The following ACAP1 variants were observed in gnomAD, a reference collection of about 807,000 sequenced individuals.
ACAP1 encodes ArfGAP with coiled-coil, ankyrin repeat and PH domains 1, also known as arf-GAP with coiled-coil, ANK repeat and PH domain-containing protein 1.
Under a neutral mutation model 98.8 loss-of-function variants are expected in ACAP1, and 45 were observed. The ratio of observed to expected loss-of-function variants is 0.46; its 90% CI spans 0.36 to 0.58. The LOEUF is 0.58. ACAP1 is among the 20% of genes least tolerant of loss of function. The pLI, the probability that ACAP1 is intolerant of heterozygous loss-of-function variation, is 0.00. For synonymous variants in ACAP1, 362 were observed against 375.3 expected (o/e 0.96, Z 0.41); for missense variants, 735 against 971.4 (o/e 0.76, Z 3.24).
Position 7,343,423 on chromosome 17 carries a change from G to A in ACAP1, c.389G>A (p.Gly130Glu). The change falls in exon 6 of 22, where the codon GGG (glycine) becomes GAG (glutamate). Residue 130 changes from glycine (G) to glutamate (E), a missense_variant. Physicochemically the swap from Gly to Glu is moderately conservative, Grantham distance 98. Transcript: ENST00000158762. This position sits in a 1 kb window ranked among gnomAD's most constrained non-coding sequence, Gnocchi z 4.9. Reference sequence around the variant, plus strand: ...GAGGCTCGCCGGGATTTCTGGCGGGGGGCTGAGAGCCTGGAGGCTGCCCTG... The same window carrying A: ...GAGGCTCGCCGGGATTTCTGGCGGGAGGCTGAGAGCCTGGAGGCTGCCCTG... ...FREARRDFWRGAESLEAALTH... is the reference protein window; with the variant it reads ...FREARRDFWREAESLEAALTH... 3 of 1,613,892 alleles carry A rather than the reference G, an allele frequency of 1.9e-6. No homozygotes were observed. The highest frequency in any genetic ancestry group is 2.5e-6 in the Non-Finnish European group (3 of 1,179,964).
rs924339860 is a variant in ACAP1 at position 7,344,800 on chromosome 17, A to G, written c.854+152A>G. 3 of 624,226 alleles carry G rather than the reference A, an allele frequency of 4.8e-6. No homozygotes were observed. The highest frequency in any genetic ancestry group is 2.8e-5 in the Admixed American group (1 of 36,184). 38.7% of individuals were successfully genotyped at this position (624,226 alleles called of 1,614,324 possible). A position where few individuals can be genotyped will look rare whatever the true frequency, so the allele number is the denominator to read the frequency against. On this transcript the variant is annotated intron_variant, in intron 10 of 21. Transcript: ENST00000158762. The surrounding 1 kb of genome is among the most constrained non-coding windows in gnomAD (Gnocchi z 4.9). ...AGCAAAGACAGAGGATAAACCTAGT[A>G]TGTAAATTACGTGCTATGTTAGAAG...
In ACAP1 at chr17:7,343,561, A is replaced by G; in HGVS notation, c.527A>G (p.Gln176Arg). ...YRGRALDYAL[Q>R]INVIEDKRKF... is the part of the protein sequence containing the mutation. The stretch of plus-strand genomic sequence containing the variant: ...GGACGGGCACTGGATTATGCCCTGC[A>G]GGTGCCTGCCCCAATCTGTCTTCCT... The change falls in exon 6 of 22, where the codon CAG (glutamine) becomes CGG (arginine). Residue 176 changes from glutamine to arginine, a missense_variant and splice_region_variant. Gln to Arg is a conservative substitution (Grantham distance 43). Coordinates refer to ENST00000158762, the MANE Select transcript of ACAP1 (RefSeq NM_014716.4). This position sits in a 1 kb window ranked among gnomAD's most constrained non-coding sequence, Gnocchi z 4.9. The G allele has an allele frequency of 6.2e-7, 1 of 1,610,670 alleles. No individual in the cohort carries two copies. Among genetic ancestry groups the G allele is most frequent in the Non-Finnish European group, 8.5e-7 (1 of 1,177,668 alleles).
At chr17:7,348,969 CT>C in intron 17 of ACAP1, 25 bp from the exon 18 acceptor site, 1 of 1,608,218 alleles carries the variant, frequency 6.2e-7, no homozygotes, top group Non-Finnish European at 8.5e-7. Context: ...CTGCTTCCCC[CT>C]AACAGAACCA....
rs138842755 is a variant in ACAP1 at position 7,343,458 on chromosome 17, G to A, written c.424G>A (p.Ala142Thr). Residue 142 changes from alanine to threonine, a missense_variant, in exon 6 of 22, where the codon GCA (alanine) becomes ACA (threonine). By Grantham distance (58) the Ala-to-Thr change is moderately conservative. Coordinates refer to ENST00000158762, the MANE Select transcript of ACAP1 (RefSeq NM_014716.4). This position sits in a 1 kb window ranked among gnomAD's most constrained non-coding sequence, Gnocchi z 4.9. ...ESLEAALTHNAEVPRRRAQEA... is the reference protein window; with the variant it reads ...ESLEAALTHNTEVPRRRAQEA... The stretch of plus-strand genomic sequence containing the variant: ...CCTGGAGGCTGCCCTGACCCACAAC[G>A]CAGAGGTTCCCAGGCGCCGGGCCCA... 105 of 1,613,994 alleles carry A rather than the reference G, an allele frequency of 6.5e-5. No individual in the cohort carries two copies. The highest frequency in any genetic ancestry group is 6.8e-5 in the Non-Finnish European group (80 of 1,180,022).
rs77871125 is a variant in ACAP1, at chr17:7,337,475, T to G, written c.111+106T>G. The G allele has an allele frequency of 3.8e-4, 395 of 1,027,868 alleles. 1 individual carries two copies. The African/African-American group carries it at 5.5e-3, about 14-fold the overall frequency. 63.7% of individuals were successfully genotyped at this position (1,027,868 alleles called of 1,614,324 possible). ...ATGCATCCCAGGGATTATTGAATACTGTGTAGGGGAGATATTTTGGAGACT... is the reference window on the plus strand; with the variant it reads ...ATGCATCCCAGGGATTATTGAATACGGTGTAGGGGAGATATTTTGGAGACT... On this transcript the variant is annotated intron_variant, in intron 2 of 21. Coordinates refer to ENST00000158762, the MANE Select transcript of ACAP1 (RefSeq NM_014716.4).
Position 7,336,941 on chromosome 17 carries a change from G to C in ACAP1, c.53+154G>C, listed in dbSNP as rs950936287. On this transcript the variant is annotated intron_variant, in intron 1 of 21. Coordinates refer to ENST00000158762, the MANE Select transcript of ACAP1 (RefSeq NM_014716.4). ...CCAAAGTGGTACCCCAGCTGTGAAA[G>C]CAGGGTACTCCAATGCTCTCTGCCC... Among the ~76,000 whole-genome samples the C allele has an allele frequency of 2.6e-5, 4 of 152,260 alleles. No homozygotes were observed. In the East Asian group the frequency reaches 7.7e-4, roughly 29 times the overall value.
At chr17:7,345,011 G>C (rs1366736111) in intron 10 of ACAP1, among the ~76,000 whole-genome samples, 1 of 152,208 alleles carries the variant, frequency 6.6e-6, no homozygotes, top group Non-Finnish European at 1.5e-5. Flanking sequence ...AAGGCCCTGA[G>C]ATAGCTGGGG....
rs1245220689 is a variant in ACAP1, at chr17:7,342,280, T to C, written c.237T>C (p.Cys79=). 3 of 1,614,014 alleles carry C rather than the reference T, an allele frequency of 1.9e-6. No individual in the cohort carries two copies. In the East Asian group the frequency reaches 6.7e-5, roughly 36 times the overall value. Residue 79 remains cysteine (C), a synonymous_variant, in exon 4 of 22, where the codon TGT becomes TGC. Transcript: ENST00000158762. ...LGPPEPMMAE[C]LEKFTVSLNH... ...CTGTGCCTCTTCTTGCCTAGGAGTG[T>C]CTGGAAAAATTCACCGTGAGCCTGA...
intron 17 of ACAP1, chr17:7,348,781 A>C: frequency 1.7e-6 from 1 of 590,516 alleles, no homozygotes; most frequent in East Asian, 2.9e-5. Flanking sequence ...AGATGAGGTG[A>C]TGATGCCGTC....
chr17:7,347,153 C>G lies in ACAP1; in HGVS notation c.1254C>G (p.Ala418=). 6.2e-7 allele frequency: 1 copy of G among 1,614,092 alleles called. No individual in the cohort carries two copies. The highest frequency in any genetic ancestry group is 2.2e-5 in the East Asian group (1 of 44,884). Residue 418 remains alanine (A), a synonymous_variant, in exon 14 of 22, where the codon GCC becomes GCG. Transcript: ENST00000158762. ...VAQVQSVDGN[A]QCCDCREPAP... is the part of the protein sequence containing the mutation. Reference sequence around the variant, plus strand: ...AGGTCCAGAGTGTGGATGGCAATGCCCAGTGCTGCGACTGCCGGGAGCCAG... The same window carrying G: ...AGGTCCAGAGTGTGGATGGCAATGCGCAGTGCTGCGACTGCCGGGAGCCAG...
chr17:7,349,913 C>T lies in ACAP1; in HGVS notation c.1852-32C>T, dbSNP rs148196938. On this transcript the variant is annotated intron_variant, in intron 18 of 21. Transcript: ENST00000158762. ...TGAAATCCACCACTAGGGATGCCAC[C>T]CTCAACCCCCCTTCTCGACTTCTCC... is the stretch of plus-strand genomic sequence containing the variant. 1,417 of 1,542,470 alleles carry T rather than the reference C, an allele frequency of 9.2e-4. 7 individuals are homozygous for T. In the African/African-American group the frequency reaches 0.015, roughly 16 times the overall value.
Position 7,350,032 on chromosome 17 carries a change from G to A in ACAP1, c.1939G>A (p.Ala647Thr). The A allele has an allele frequency of 6.2e-7, 1 of 1,613,358 alleles. No individual in the cohort carries two copies. The highest frequency in any genetic ancestry group is 8.5e-7 in the Non-Finnish European group (1 of 1,179,408). The change falls in exon 19 of 22, where the codon GCA becomes ACA. Residue 647 changes from alanine (A) to threonine (T), a missense_variant. Around this residue, in one of 5 missense-constraint regions of ACAP1, gnomAD observed 142 missense variants for 224.1 expected, o/e 0.63. Transcript: ENST00000158762. The surrounding 1 kb of genome is among the most constrained non-coding windows in gnomAD (Gnocchi z 4.6). ...TGCGGGCCGGGGCCCGCTGCACCAC[G>A]CAACCATTCTTGGCCACACGGGGTA... ...DSAGRGPLHHATILGHTGLAC... is the reference protein window; with the variant it reads ...DSAGRGPLHHTTILGHTGLAC...
chr17:7,345,407 T>A (rs1164049638), intron 10 of ACAP1: 2 of 151,908 alleles, frequency 1.3e-5, no homozygotes, highest in Non-Finnish European at 2.9e-5. Context: ...CACTGCAACC[T>A]CTATCCCCTG....
rs1263913830 is a variant in ACAP1, at chr17:7,344,552, A to T, written c.758A>T (p.Glu253Val). The T allele has an allele frequency of 6.4e-7, 1 of 1,550,672 alleles. No homozygotes were observed. Among genetic ancestry groups the T allele is most frequent in the Non-Finnish European group, 8.7e-7 (1 of 1,146,830 alleles). ...TTGTGCCTCCAGGAGCTGGGTGGGGAGGAGCCAGAACCAAGCTTAAGAGAG... is the reference window on the plus strand; with the variant it reads ...TTGTGCCTCCAGGAGCTGGGTGGGGTGGAGCCAGAACCAAGCTTAAGAGAG... ...VLLKQKELGGEEPEPSLREGP... is the reference protein window; with the variant it reads ...VLLKQKELGGVEPEPSLREGP... The change falls in exon 10 of 22, where the codon GAG becomes GTG. Residue 253 changes from glutamate to valine, a missense_variant. Coordinates refer to ENST00000158762, the MANE Select transcript of ACAP1 (RefSeq NM_014716.4). The surrounding 1 kb of genome is among the most constrained non-coding windows in gnomAD (Gnocchi z 4.9).
rs532805710 is a variant in ACAP1, at chr17:7,339,295, A to G, written c.111+1926A>G. Among the ~76,000 whole-genome samples the G allele has an allele frequency of 2.0e-5, 3 of 147,704 alleles. No homozygotes were observed. The East Asian group carries it at 6.3e-4, about 31-fold the overall frequency. On this transcript the variant is annotated intron_variant, in intron 2 of 21. Coordinates refer to ENST00000158762, the MANE Select transcript of ACAP1 (RefSeq NM_014716.4). ...ACAGAGTGAGACTGTCTCAATAAACAAAAACAAACAAACAAAAAACCCCAA... is the reference window on the plus strand; with the variant it reads ...ACAGAGTGAGACTGTCTCAATAAACGAAAACAAACAAACAAAAAACCCCAA...
At chr17:7,338,696 G>A (rs184663881) in intron 2 of ACAP1, among the ~76,000 whole-genome samples, 91 of 151,768 alleles carry the variant, frequency 6.0e-4, no homozygotes, top group East Asian at 1.6e-3. Flanking sequence ...ATGCCACCAC[G>A]CCTGGCTTTT....
rs761961930 is a variant in ACAP1, at chr17:7,344,538, G to C, written c.745-1G>C. On this transcript the variant is annotated splice_acceptor_variant, in intron 9 of 21. Coordinates refer to ENST00000158762, the MANE Select transcript of ACAP1 (RefSeq NM_014716.4). LOFTEE classifies it high-confidence loss of function. This position sits in a 1 kb window ranked among gnomAD's most constrained non-coding sequence, Gnocchi z 4.9. ...GCCCTTTGATCCTCTTGTGCCTCCA[G>C]GAGCTGGGTGGGGAGGAGCCAGAAC... 1 of 1,550,504 alleles carries C rather than the reference G, an allele frequency of 6.4e-7. No homozygotes were observed. The highest frequency in any genetic ancestry group is 8.7e-7 in the Non-Finnish European group (1 of 1,146,586).
chr17:7,343,099 A>ACAT lies in ACAP1; in HGVS notation c.345-278_345-277insTCA, dbSNP rs2073307009. On this transcript the variant is annotated intron_variant, in intron 5 of 21. Coordinates refer to ENST00000158762, the MANE Select transcript of ACAP1 (RefSeq NM_014716.4). The surrounding 1 kb of genome is among the most constrained non-coding windows in gnomAD (Gnocchi z 4.9). Reference sequence around the variant, plus strand: ...GGTCTCAAAAACAAAAACAACAACAACAACAAAAATTTTTTAAAGGGGGAG... The same window carrying ACAT: ...GGTCTCAAAAACAAAAACAACAACAACATCAACAAAAATTTTTTAAAGGGGGAG... 2.7e-6 allele frequency: 1 copy of ACAT among 365,694 alleles called. No individual in the cohort carries two copies. The highest frequency in any genetic ancestry group is 4.9e-6 in the Non-Finnish European group (1 of 202,630). 22.7% of individuals were successfully genotyped at this position (365,694 alleles called of 1,614,324 possible).
rs774871397 is a variant in ACAP1 at position 7,341,935 on chromosome 17, CCTT to C, written c.112-9_112-7del. ...TGATGGCACAGCTCCCTGTTACCCT[CCTT>C]CTTTCCCAGCTCCTGAAACTGGGCA... On this transcript the variant is annotated splice_polypyrimidine_tract_variant and intron_variant, in intron 2 of 21. Coordinates refer to ENST00000158762, the MANE Select transcript of ACAP1 (RefSeq NM_014716.4). 3.7e-6 allele frequency: 6 copies of C among 1,614,046 alleles called. No individual in the cohort carries two copies. The highest frequency in any genetic ancestry group is 5.1e-6 in the Non-Finnish European group (6 of 1,179,960).
Sources: gnomAD v4.1 joint callset for allele counts (sites outside exome capture counted in the v4.1 genomes callset) on GRCh38, gnomAD v4.1.1 for gene constraint, gnomAD v4.1.1 regional missense constraint, Gnocchi (gnomAD v3.1) non-coding constraint, MANE v1.5 for transcripts, NCBI Gene and HGNC (gene_info 2026-07-23, HGNC 2026-07-21) for gene names.